The following RBBP6 variants were observed in gnomAD, a reference collection of about 807,000 sequenced individuals.
RBBP6 encodes E3 ubiquitin-protein ligase RBBP6.
A neutral mutation model predicts 167.7 loss-of-function variants in RBBP6; 25 were observed. The observed-to-expected ratio is 0.15, with a 90% CI of 0.11 to 0.21. RBBP6 has a LOEUF of 0.21. RBBP6 is among the 10% of genes least tolerant of loss of function. The pLI, the probability that RBBP6 is intolerant of heterozygous loss-of-function variation, is 1.00. For missense variants in RBBP6, 1,868 were observed against 2,134.2 expected (o/e 0.88, Z 2.46); for synonymous variants, 789 against 735.8 (o/e 1.07, Z -1.17).
chr16:24,543,822 T>C (rs1037453802), intron 1 of RBBP6, among the ~76,000 whole-genome samples: 1 of 152,192 alleles, frequency 6.6e-6, no homozygotes, highest in Admixed American at 6.5e-5. Flanking sequence ...ATGAAGTGTT[T>C]ATAAATGACC....
chr16:24,559,212 A>G (rs1172855171), intron 7 of RBBP6, among the ~76,000 whole-genome samples: 2 of 152,210 alleles, frequency 1.3e-5, no homozygotes, highest in African/African-American at 2.4e-5. Flanking sequence ...TATGGCACAG[A>G]ACATTTCGCT....
rs148664608 is a variant in RBBP6 at position 24,570,980 on chromosome 16, C to T, written c.3914C>T (p.Ala1305Val). The change falls in exon 18 of 18, where the codon GCG (alanine) becomes GTG (valine). Residue 1305 changes from alanine (A) to valine (V), a missense_variant. Ala to Val is a moderately conservative substitution (Grantham distance 64). Coordinates refer to ENST00000319715, the MANE Select transcript of RBBP6 (RefSeq NM_006910.5). Reference sequence around the variant, plus strand: ...GAAGAATATAATAATGACAATACCGCGCCAGCTGAAGATGTTATCATTATG... The same window carrying T: ...GAAGAATATAATAATGACAATACCGTGCCAGCTGAAGATGTTATCATTATG... ...TMEEYNNDNT[A>V]PAEDVIIMIQ... The T allele has an allele frequency of 2.0e-5, 32 of 1,611,940 alleles. No individual in the cohort carries two copies. In the African/African-American group the frequency reaches 2.7e-4, roughly 13 times the overall value.
chr16:24,572,283 G>A lies in RBBP6; in HGVS notation c.5217G>A (p.Lys1739=). The A allele has an allele frequency of 1.2e-6, 2 of 1,605,354 alleles. No individual in the cohort carries two copies. Among genetic ancestry groups the A allele is most frequent in the Non-Finnish European group, 1.7e-6 (2 of 1,175,718 alleles). ...KKKKKEKKKH[K]KHKKHKKHKK... ...AAAAGAAGGAAAAGAAAAAACACAA[G>A]AAACATAAAAAGCATAAGAAGCATA... The change falls in exon 18 of 18, where the codon AAG becomes AAA. Residue 1739 remains lysine (K), a synonymous_variant. Transcript: ENST00000319715.
intron 16 of RBBP6, among the ~76,000 whole-genome samples, chr16:24,568,478 TGTTA>T (rs558623364): frequency 1.8e-4 from 28 of 152,366 alleles, no homozygotes; most frequent in East Asian, 3.9e-4. Flanking sequence ...TTTTGTTTAA[TGTTA>T]GTTAGCTCAT....
intron 2 of RBBP6, 140 bp downstream of exon 2, chr16:24,546,402 G>C (rs1301038847): frequency 6.5e-6 from 7 of 1,082,396 alleles, no homozygotes; most frequent in Non-Finnish European, 8.3e-6. Flanking sequence ...GAGGATAGTA[G>C]GTTTCTTTGT....
At chr16:24,551,366 C>T (rs960127281) in intron 3 of RBBP6, among the ~76,000 whole-genome samples, 2 of 151,632 alleles carry the variant, frequency 1.3e-5, no homozygotes, top group African/African-American at 2.4e-5. Flanking sequence ...AATACAAATT[C>T]CTAATCATTT....
At chr16:24,559,407 G>A (rs755850333) in intron 7 of RBBP6, 98 bp from the exon 8 acceptor site, 2 of 961,570 alleles carry the variant, frequency 2.1e-6, no homozygotes, top group Non-Finnish European at 3.0e-6. Flanking sequence ...ATTTGGCATT[G>A]CGCTGAATTA....
intron 14 of RBBP6, among the ~76,000 whole-genome samples, chr16:24,566,754 A>G (rs1899204411): frequency 6.6e-6 from 1 of 152,232 alleles, no homozygotes; most frequent in Admixed American, 6.5e-5. Flanking sequence ...AAAATAAAAA[A>G]TAAATGAATA....
intron 8 of RBBP6, among the ~76,000 whole-genome samples, chr16:24,560,275 G>A (rs12149382): frequency 6.6e-6 from 1 of 151,700 alleles, no homozygotes; most frequent in African/African-American, 2.4e-5. Flanking sequence ...CCCGGCTAAT[G>A]TTTTGTATTT....
In RBBP6 at chr16:24,555,634, C is replaced by T; in HGVS notation, c.368C>T (p.Ala123Val). ...QLTKTANLAE[A>V]NASEEDKIKA... The stretch of plus-strand genomic sequence containing the variant: ...AAACAGACTGCCAATCTGGCTGAAG[C>T]CAATGCTTCTGAAGAAGATAAAATT... The change falls in exon 5 of 18, where the codon GCC (alanine) becomes GTC (valine). Residue 123 changes from alanine to valine, a missense_variant. By Grantham distance (64) the Ala-to-Val change is moderately conservative. Transcript: ENST00000319715. 1.2e-6 allele frequency: 2 copies of T among 1,612,118 alleles called. No individual in the cohort carries two copies. Among genetic ancestry groups the T allele is most frequent in the Non-Finnish European group, 1.7e-6 (2 of 1,179,506 alleles).
At chr16:24,544,600 A>G (rs1898589652) in intron 1 of RBBP6, among the ~76,000 whole-genome samples, 1 of 152,230 alleles carries the variant, frequency 6.6e-6, no homozygotes, top group African/African-American at 2.4e-5. Flanking sequence ...CTTAATGACA[A>G]TAAAAAGGCC....
rs185119917 is a variant in RBBP6 at position 24,562,716 on chromosome 16, A to T, written c.1290-483A>T. On this transcript the variant is annotated intron_variant, in intron 10 of 17. Transcript: ENST00000319715. ...AAAAAAAAAAAGGTGTAAGAGGCCC[A>T]TTTCAGACACACTGAAGCAAAATCT... Among the ~76,000 whole-genome samples the T allele has an allele frequency of 9.0e-4, 136 of 151,460 alleles. 1 individual carries two copies. The highest frequency in any genetic ancestry group is 3.4e-3 in the Middle Eastern group (1 of 292).
At chr16:24,570,783 T>G in intron 17 of RBBP6, 93 bp from the exon 18 acceptor site, 2 of 1,077,100 alleles carry the variant, frequency 1.9e-6, no homozygotes, top group South Asian at 2.9e-5. Flanking sequence ...TAAAAGGACA[T>G]TTGTGTTTAA....
intron 3 of RBBP6, chr16:24,553,219 A>G (rs1371362528): frequency 1.4e-5 from 4 of 291,308 alleles, no homozygotes; most frequent in Non-Finnish European, 2.6e-5. Context: ...GACCATAGGG[A>G]GATATGGGAC....
chr16:24,547,776 G>A (rs1898695146), intron 2 of RBBP6, among the ~76,000 whole-genome samples: 1 of 152,032 alleles, frequency 6.6e-6, no homozygotes. Flanking sequence ...AAATTTATGG[G>A]GAGAATTAAT....
chr16:24,541,137 C>A (rs1898475264), intron 1 of RBBP6, among the ~76,000 whole-genome samples: 1 of 140,534 alleles, frequency 7.1e-6, no homozygotes, highest in African/African-American at 2.7e-5. Flanking sequence ...TATTTTCCAT[C>A]AGGAGGGCAG....
chr16:24,561,483 AATG>A, intron 8 of RBBP6, 126 bp from the exon 9 acceptor site: 1 of 755,020 alleles, frequency 1.3e-6, no homozygotes, highest in Non-Finnish European at 2.1e-6. Context: ...TAATCTAAGA[AATG>A]ATTAGCACGA....
At position 24,546,257 on chromosome 16, in the gene RBBP6, T is replaced by C. The variant is rs1204748125; in HGVS notation, c.261T>C (p.Tyr87=). Reference sequence around the variant, plus strand: ...GTGTTAAATCTACAAGCAAGACATATGTTATGTAAGTATCAAATCTCATGT... The same window carrying C: ...GTGTTAAATCTACAAGCAAGACATACGTTATGTAAGTATCAAATCTCATGT... The part of the protein sequence containing the change: ...IGGVKSTSKT[Y]VISRTEPAMA... The change falls in exon 2 of 18, where the codon TAT becomes TAC. Residue 87 remains tyrosine, a synonymous_variant. Transcript: ENST00000319715. The C allele has an allele frequency of 3.8e-6, 6 of 1,567,730 alleles. No individual in the cohort carries two copies. The highest frequency in any genetic ancestry group is 2.3e-5 in the East Asian group (1 of 43,614).
At position 24,572,205 on chromosome 16, in the gene RBBP6, C is replaced by T. The variant is rs200843809; in HGVS notation, c.5139C>T (p.Ser1713=). 76 of 1,613,804 alleles carry T rather than the reference C, an allele frequency of 4.7e-5. No homozygotes were observed. The highest frequency in any genetic ancestry group is 4.1e-4 in the South Asian group (37 of 91,066). The change falls in exon 18 of 18, where the codon AGC becomes AGT. Residue 1713 remains serine (S), a synonymous_variant. Transcript: ENST00000319715. ...GTCCTTCTGGAAGCCAGACCCGAAG[C>T]CACAGTAGCAGTGCCAGCTCAGCAG... The part of the protein sequence containing the change: ...SHSPSGSQTR[S]HSSSASSAES...
Sources: allele counts gnomAD v4.1 joint callset (sites outside exome capture counted in the v4.1 genomes callset), GRCh38; gene constraint gnomAD v4.1.1; transcripts MANE v1.5; gene names NCBI Gene and HGNC (gene_info 2026-07-23, HGNC 2026-07-21).